FRS2: variants seen among roughly 807,000 people sequenced by gnomAD.
FRS2 encodes fibroblast growth factor receptor substrate 2.
Under a neutral mutation model 43.9 loss-of-function variants are expected in FRS2, and 8 were observed. That is an observed-to-expected ratio of 0.18 (90% CI 0.11 to 0.33). The LOEUF is 0.33. FRS2 is among the 10% of genes least tolerant of loss of function. FRS2 has a pLI of 1.00. For missense variants in FRS2, 534 were observed against 627.6 expected, an observed-to-expected ratio of 0.85 and a Z score of 1.59; for synonymous variants, 219 against 220.3, an observed-to-expected ratio of 0.99 and a Z score of 0.05.
At chr12:69,546,424 A>G (rs954253557) in intron 3 of FRS2, among the ~76,000 whole-genome samples, 2 of 151,982 alleles carry the variant, frequency 1.3e-5, no homozygotes. Flanking sequence ...CACCTGGCTA[A>G]TTTTTGTATT....
At chr12:69,495,141 T>C (rs1482772635) in intron 1 of FRS2, among the ~76,000 whole-genome samples, 1 of 152,196 alleles carries the variant, frequency 6.6e-6, no homozygotes, top group African/African-American at 2.4e-5. Flanking sequence ...CTTAAAAGTT[T>C]CGTGGGAGCT....
At chr12:69,496,482 A>G (rs1186147986) in intron 1 of FRS2, among the ~76,000 whole-genome samples, 1 of 152,154 alleles carries the variant, frequency 6.6e-6, no homozygotes, top group Non-Finnish European at 1.5e-5. Context: ...ATCCATTGCA[A>G]TAGAAAGGAG....
chr12:69,514,282 C>T (rs1047230390), intron 1 of FRS2, among the ~76,000 whole-genome samples: 5 of 152,164 alleles, frequency 3.3e-5, no homozygotes, highest in Non-Finnish European at 5.9e-5. Flanking sequence ...GATGCCAGTA[C>T]CATCTAGAGA....
chr12:69,575,681 C>T lies in FRS2; in HGVS notation c.*726C>T, dbSNP rs1405111079. 1 of 152,626 alleles carries T rather than the reference C, an allele frequency of 6.6e-6. No homozygotes were observed. Among genetic ancestry groups the T allele is most frequent in the Non-Finnish European group, 1.5e-5 (1 of 68,032 alleles). 9.5% of individuals were successfully genotyped at this position (152,626 alleles called of 1,614,324 possible). A position where few individuals can be genotyped will look rare whatever the true frequency, so the allele number is the denominator to read the frequency against. ...AGGCTCAAGAATCAGTCTCAGGTCACTTTACCCAAAAACATTTGAAAATCT... is the reference window on the plus strand; with the variant it reads ...AGGCTCAAGAATCAGTCTCAGGTCATTTTACCCAAAAACATTTGAAAATCT... On this transcript the variant is annotated 3_prime_UTR_variant, in exon 9 of 9. Coordinates refer to ENST00000549921, the MANE Select transcript of FRS2 (RefSeq NM_001278356.2).
intron 1 of FRS2, among the ~76,000 whole-genome samples, chr12:69,489,692 A>C (rs908324002): frequency 6.6e-6 from 1 of 150,890 alleles, no homozygotes; most frequent in Non-Finnish European, 1.5e-5. Flanking sequence ...AAAGAAAATT[A>C]TTGGTTGGTT....
At chr12:69,538,602 T>C (rs1877570773) in intron 3 of FRS2, among the ~76,000 whole-genome samples, 1 of 150,202 alleles carries the variant, frequency 6.7e-6, no homozygotes, top group South Asian at 2.1e-4. Flanking sequence ...ATGTGTGTTT[T>C]AATTTCCTGC....
chr12:69,571,716 T>G (rs1203377200), intron 7 of FRS2, among the ~76,000 whole-genome samples: 1 of 151,852 alleles, frequency 6.6e-6, no homozygotes, highest in African/African-American at 2.4e-5. Context: ...ACAAAAAAAT[T>G]AGCCGGGCGT....
chr12:69,519,314 GA>G (rs1875386278), intron 1 of FRS2, among the ~76,000 whole-genome samples: 1 of 152,124 alleles, frequency 6.6e-6, no homozygotes, highest in Non-Finnish European at 1.5e-5. Flanking sequence ...TAAAATTCAT[GA>G]AAAACAGTAA....
At chr12:69,478,724 A>ATGTGTGTG (rs59945124) in intron 1 of FRS2, among the ~76,000 whole-genome samples, 390 of 146,320 alleles carry the variant, frequency 2.7e-3, no homozygotes, top group African/African-American at 8.6e-3. Context: ...ATACATCATT[A>ATGTGTGTG]TGTGTGTGTG....
At chr12:69,472,644 T>G (rs1427936320) in intron 1 of FRS2, among the ~76,000 whole-genome samples, 1 of 152,248 alleles carries the variant, frequency 6.6e-6, no homozygotes, top group Non-Finnish European at 1.5e-5. Context: ...ACAAGTCAAT[T>G]CAACAAACAC....
intron 3 of FRS2, among the ~76,000 whole-genome samples, chr12:69,538,361 C>T (rs77947390): frequency 0.017 from 2,579 of 151,234 alleles, 82 homozygotes; most frequent in African/African-American, 0.059. Flanking sequence ...ATACAACTTA[C>T]GTAAGGTTTG....
intron 1 of FRS2, among the ~76,000 whole-genome samples, chr12:69,514,517 T>C (rs990902200): frequency 2.0e-5 from 3 of 152,136 alleles, no homozygotes; most frequent in African/African-American, 4.8e-5. Flanking sequence ...TGTGGGAAAG[T>C]GTTTAACCTT....
At chr12:69,497,134 C>G (rs527272575) in intron 1 of FRS2, among the ~76,000 whole-genome samples, 1 of 152,238 alleles carries the variant, frequency 6.6e-6, no homozygotes, top group East Asian at 1.9e-4. Flanking sequence ...TAGCAGTGAG[C>G]AAAGCAAAGT....
intron 1 of FRS2, among the ~76,000 whole-genome samples, chr12:69,505,812 T>C (rs1873876883): frequency 6.6e-6 from 1 of 152,186 alleles, no homozygotes; most frequent in Non-Finnish European, 1.5e-5. Flanking sequence ...AACCAGTAGA[T>C]TGGACCTCAT....
At chr12:69,482,197 A>ATT (rs1871408358) in intron 1 of FRS2, among the ~76,000 whole-genome samples, 1 of 152,218 alleles carries the variant, frequency 6.6e-6, no homozygotes, top group Non-Finnish European at 1.5e-5. Context: ...AGAAGTCAAT[A>ATT]GAGTTGCACA....
At chr12:69,485,176 T>C (rs753768074) in intron 1 of FRS2, among the ~76,000 whole-genome samples, 1 of 42,444 alleles carries the variant, frequency 2.4e-5, no homozygotes, top group Non-Finnish European at 3.6e-5. Context: ...AGTTTACTTA[T>C]TTATTTATTT....
chr12:69,563,563 C>T (rs183931257), intron 4 of FRS2, among the ~76,000 whole-genome samples: 161 of 152,320 alleles, frequency 1.1e-3, no homozygotes, highest in Non-Finnish European at 1.7e-3. Flanking sequence ...TACCCTCTGA[C>T]CGTGGGTCAG....
chr12:69,562,385 A>G (rs1285315362), intron 4 of FRS2, 111 bp downstream of exon 4: 3 of 388,584 alleles, frequency 7.7e-6, no homozygotes, highest in Non-Finnish European at 1.4e-5. Flanking sequence ...GGCGGTTTCT[A>G]ACTCTTGAGC....
At chr12:69,559,029 G>T (rs1879663850) in intron 3 of FRS2, among the ~76,000 whole-genome samples, 1 of 152,110 alleles carries the variant, frequency 6.6e-6, no homozygotes. Flanking sequence ...TGCCACTTTA[G>T]GCTGGGCAAA....
Sources: allele counts gnomAD v4.1 joint callset (sites outside exome capture counted in the v4.1 genomes callset), GRCh38; gene constraint gnomAD v4.1.1; transcripts MANE v1.5; gene names NCBI Gene and HGNC (gene_info 2026-07-23, HGNC 2026-07-21).